CRB2: variants seen among roughly 807,000 people sequenced by gnomAD.
The protein encoded by CRB2 is crumbs cell polarity complex component 2.
In CRB2, 85 loss-of-function variants were observed where a neutral mutation model predicts 110.9. The ratio of observed to expected loss-of-function variants is 0.77; its 90% CI spans 0.64 to 0.92. The LOEUF is 0.92. CRB2 is among the 40% of genes least tolerant of loss of function. The pLI is 0.00. For missense variants in CRB2, 1,843 were observed against 1,851.3 expected (o/e 1.00, Z 0.08); for synonymous variants, 907 against 831.0 (o/e 1.09, Z -1.57).
downstream of CRB2, chr9:123,380,127 G>GTAGAC (rs1273319113): frequency 6.6e-6 from 1 of 152,264 alleles, no homozygotes; most frequent in East Asian, 1.9e-4. Flanking sequence ...ACACCCCTGG[G>GTAGAC]TAGACTGTGT....
Position 123,367,158 on chromosome 9 carries a change from G to A in CRB2, c.755-14G>A, listed in dbSNP as rs2041944517. On this transcript the variant is annotated splice_polypyrimidine_tract_variant and intron_variant, in intron 4 of 12. Transcript: ENST00000373631. ...ACCCCGTGAGACCTGATGTCCGCGT[G>A]TGTGTGCCCCCAGGCTACAGCGGCG... 1 of 1,571,630 alleles carries A rather than the reference G, an allele frequency of 6.4e-7. No homozygotes were observed.
At chr9:123,375,842 G>A (rs761098351) in intron 12 of CRB2, among the ~76,000 whole-genome samples, 44 of 152,108 alleles carry the variant, frequency 2.9e-4, no homozygotes, top group Non-Finnish European at 5.0e-4. Context: ...GGAGGAGCCT[G>A]GACAGACGAA....
chr9:123,374,458 A>C, intron 10 of CRB2, 121 bp from the exon 11 acceptor site: 1 of 705,582 alleles, frequency 1.4e-6, no homozygotes, highest in Non-Finnish European at 2.5e-6. Flanking sequence ...CCCATGCCCA[A>C]TAGAGGAAGG....
chr9:123,360,323 C>A (rs10125422), intron 1 of CRB2, among the ~76,000 whole-genome samples: 1 of 152,146 alleles, frequency 6.6e-6, no homozygotes, highest in Admixed American at 6.5e-5. Flanking sequence ...CCAGGTCGGC[C>A]CAGGCAGCCT....
intron 2 of CRB2, 69 bp from the exon 3 acceptor site, chr9:123,365,848 C>G: frequency 7.2e-7 from 1 of 1,383,350 alleles, no homozygotes; most frequent in Non-Finnish European, 9.6e-7. Flanking sequence ...TGGAGCAGGC[C>G]TGGCGCGACC....
At chr9:123,374,808 A>C (rs937472402) in intron 11 of CRB2, 113 bp downstream of exon 11, 2 of 678,676 alleles carry the variant, frequency 2.9e-6, no homozygotes, top group Non-Finnish European at 5.0e-6. Flanking sequence ...CCCTGGTATC[A>C]CAGTCACCAT....
chr9:123,364,104 G>C (rs373949512), intron 2 of CRB2, among the ~76,000 whole-genome samples: 86 of 152,368 alleles, frequency 5.6e-4, no homozygotes, highest in African/African-American at 1.7e-3. Context: ...ACAGCGAAGA[G>C]ATGGCAGCTG....
chr9:123,373,079 G>A, intron 9 of CRB2, 55 bp from the exon 10 acceptor site: 1 of 1,381,682 alleles, frequency 7.2e-7, no homozygotes. Context: ...GTGGGGAGGT[G>A]GCATTTCTGG....
In CRB2 at chr9:123,370,483, G is replaced by T. The variant is rs1313497379; in HGVS notation, c.1430G>T (p.Arg477Leu). Residue 477 changes from arginine to leucine, a missense_variant, in exon 7 of 13, where the codon CGC (arginine) becomes CTC (leucine). By Grantham distance (102) the Arg-to-Leu change is moderately radical. Transcript: ENST00000373631. The stretch of plus-strand genomic sequence containing the variant: ...CTGCCCGCTGGGACCTTGGCCACTC[G>T]CAATGACACCAAGGAAAGCTTGGAG... ...TTLPAGTLATRNDTKESLELA... is the reference protein window; with the variant it reads ...TTLPAGTLATLNDTKESLELA... The T allele has an allele frequency of 6.2e-7, 1 of 1,613,442 alleles. No homozygotes were observed. Among genetic ancestry groups the T allele is most frequent in the Admixed American group, 1.7e-5 (1 of 60,026 alleles).
At chr9:123,364,878 G>C (rs995605565) in intron 2 of CRB2, among the ~76,000 whole-genome samples, 1 of 152,178 alleles carries the variant, frequency 6.6e-6, no homozygotes, top group Non-Finnish European at 1.5e-5. Flanking sequence ...CTAAAACCAG[G>C]ACAGTGCAGG....
chr9:123,374,959 C>A (rs968751469), intron 11 of CRB2, among the ~76,000 whole-genome samples: 2 of 152,214 alleles, frequency 1.3e-5, no homozygotes, highest in African/African-American at 4.8e-5. Flanking sequence ...AGATTCTGGG[C>A]CCTGCAGACA....
chr9:123,355,642 TGTGGGGAGGGGGGA>T (rs975743350), upstream of CRB2, among the ~76,000 whole-genome samples: 2 of 21,246 alleles, frequency 9.4e-5, no homozygotes, highest in South Asian at 1.6e-3. Context: ...GCTGACCGAG[TGTGGGGAGGGGGGA>T]GTGGGGAGGG....
In CRB2 at chr9:123,367,552, C is replaced by A. The variant is rs1488800473; in HGVS notation, c.941-21C>A. On this transcript the variant is annotated intron_variant, in intron 5 of 12. Transcript: ENST00000373631. ...CTGGCTCTGAGGGTGCAGGTGGGAC[C>A]CACAGCTGGGCCTCTTACAGGAGCC... 7 of 1,541,096 alleles carry A rather than the reference C, an allele frequency of 4.5e-6. No homozygotes were observed. The Admixed American group carries it at 9.8e-5, about 22-fold the overall frequency.
chr9:123,363,325 C>T, intron 2 of CRB2, 137 bp downstream of exon 2: 1 of 912,774 alleles, frequency 1.1e-6, no homozygotes, highest in Non-Finnish European at 1.6e-6. Context: ...AGGGTATATC[C>T]ACTTGGTCTG....
At chr9:123,367,838 C>A (rs1222158728) in intron 6 of CRB2, 152 bp downstream of exon 6, 2 of 626,676 alleles carry the variant, frequency 3.2e-6, no homozygotes, top group Admixed American at 2.5e-5. Flanking sequence ...GGTGGCTGAA[C>A]TGGGACTCGC....
intron 10 of CRB2, chr9:123,374,237 T>C: frequency 1.7e-6 from 1 of 593,330 alleles, no homozygotes; most frequent in Non-Finnish European, 3.0e-6. Flanking sequence ...GCTTCCCTTA[T>C]TCATCTGGCA....
At chr9:123,369,112 G>C (rs928742906) in intron 6 of CRB2, among the ~76,000 whole-genome samples, 1 of 152,188 alleles carries the variant, frequency 6.6e-6, no homozygotes, top group Non-Finnish European at 1.5e-5. Context: ...GCTACAGTGG[G>C]CTATGGCTTC....
intron 1 of CRB2, among the ~76,000 whole-genome samples, chr9:123,361,459 G>A (rs2041867916): frequency 6.6e-6 from 1 of 152,214 alleles, no homozygotes; most frequent in South Asian, 2.1e-4. Flanking sequence ...TGCCTGGAAT[G>A]CGGATGACGC....
In CRB2 at chr9:123,371,366, G is replaced by A; in HGVS notation, c.2224G>A (p.Gly742Arg). 1.2e-6 allele frequency: 2 copies of A among 1,605,108 alleles called. No homozygotes were observed. The highest frequency in any genetic ancestry group is 1.7e-4 in the Middle Eastern group (1 of 6,014). Residue 742 changes from glycine (G) to arginine (R), a missense_variant, in exon 8 of 13, where the codon GGG becomes AGG. Gly to Arg is a moderately radical substitution (Grantham distance 125). Transcript: ENST00000373631. ...SFGPDQLQDL[G>R]QHVHVGGRLL... ...CGGGCCTGACCAGCTGCAGGACCTG[G>A]GGCAGCACGTGCACGTGGGTGGGAG...
Sources: gnomAD v4.1 joint callset for allele counts (sites outside exome capture counted in the v4.1 genomes callset) on GRCh38, gnomAD v4.1.1 for gene constraint, MANE v1.5 for transcripts, NCBI Gene and HGNC (gene_info 2026-07-23, HGNC 2026-07-21) for gene names.